The following ALS2 variants were observed in gnomAD, a reference collection of about 807,000 sequenced individuals.
ALS2 encodes alsin.
A neutral mutation model predicts 203.4 loss-of-function variants in ALS2; 117 were observed. That is an observed-to-expected ratio of 0.58 (90% CI 0.50 to 0.67). The LOEUF is 0.67. ALS2 is among the 30% of genes least tolerant of loss of function. The pLI is 0.00. For synonymous variants in ALS2, 718 were observed against 725.9 expected, an observed-to-expected ratio of 0.99 and a Z score of 0.17; for missense variants, 1,715 against 1,989.4, an observed-to-expected ratio of 0.86 and a Z score of 2.62.
intron 3 of ALS2, chr2:201,762,663 T>C (rs906020576): frequency 5.3e-5 from 8 of 152,262 alleles, no homozygotes; most frequent in African/African-American, 1.9e-4. Context: ...CTTTATGTAC[T>C]AGATACTAGC....
chr2:201,753,299 C>G (rs541782445), intron 6 of ALS2, 57 bp from the exon 7 acceptor site: 1 of 1,418,442 alleles, frequency 7.0e-7, no homozygotes, highest in East Asian at 2.3e-5. Flanking sequence ...AGAATCGTAG[C>G]CTTTCTCAAA....
rs1234882220 is a variant in ALS2, at chr2:201,705,415, C to T, written c.4626+1G>A. 5 of 1,613,384 alleles carry T rather than the reference C, an allele frequency of 3.1e-6. No individual in the cohort carries two copies. Among genetic ancestry groups the T allele is most frequent in the Non-Finnish European group, 4.2e-6 (5 of 1,179,498 alleles). On this transcript the variant is annotated splice_donor_variant, in intron 30 of 33. Coordinates refer to ENST00000264276, the MANE Select transcript of ALS2 (RefSeq NM_020919.4). LOFTEE classifies it high-confidence loss of function. Reference sequence around the variant, plus strand: ...GCTGAGGAAAAGAAAATCTACTATACCTTTTTACTCTCTCCAAGGATTGAC... The same window carrying T: ...GCTGAGGAAAAGAAAATCTACTATATCTTTTTACTCTCTCCAAGGATTGAC...
At chr2:201,721,674 T>G (rs1246509884) in intron 23 of ALS2, among the ~76,000 whole-genome samples, 1 of 60,442 alleles carries the variant, frequency 1.7e-5, no homozygotes, top group Non-Finnish European at 3.1e-5. Flanking sequence ...AAACTTTCAT[T>G]TTTTTTTTAG....
At chr2:201,744,519 G>A in intron 9 of ALS2, 90 bp from the exon 10 acceptor site, 1 of 1,304,384 alleles carries the variant, frequency 7.7e-7, no homozygotes, top group Admixed American at 1.9e-5. Context: ...CAGCTGACAA[G>A]AGCTAACTGT....
chr2:201,745,735 G>C (rs1692596526), intron 9 of ALS2, among the ~76,000 whole-genome samples: 1 of 152,122 alleles, frequency 6.6e-6, no homozygotes. Context: ...GATCACTTGA[G>C]GTCAGGAGTT....
intron 12 of ALS2, among the ~76,000 whole-genome samples, chr2:201,737,361 A>G (rs1298546776): frequency 6.6e-6 from 1 of 152,168 alleles, no homozygotes; most frequent in African/African-American, 2.4e-5. Flanking sequence ...GTACCAAGAG[A>G]CAACTGTATA....
chr2:201,745,765 G>C (rs912302386), intron 9 of ALS2, among the ~76,000 whole-genome samples: 1 of 152,036 alleles, frequency 6.6e-6, no homozygotes, highest in South Asian at 2.1e-4. Context: ...CCTGACCAAC[G>C]TGGTGAAACC....
At chr2:201,768,982 A>T in intron 1 of ALS2, 37 bp from the exon 2 acceptor site, 4 of 1,128,652 alleles carry the variant, frequency 3.5e-6, no homozygotes, top group Non-Finnish European at 5.2e-6. Context: ...CAGTAAAAGA[A>T]TATTTTACCC....
intron 1 of ALS2, among the ~76,000 whole-genome samples, chr2:201,769,812 T>C (rs1386576723): frequency 6.6e-6 from 1 of 152,154 alleles, no homozygotes; most frequent in Admixed American, 6.5e-5. Context: ...TGCAAAAGGA[T>C]ATGGAATGGT....
chr2:201,743,347 A>C (rs1489312326), intron 10 of ALS2, among the ~76,000 whole-genome samples: 1 of 152,168 alleles, frequency 6.6e-6, no homozygotes, highest in Non-Finnish European at 1.5e-5. Context: ...CCAGGTACCC[A>C]GTATATCTGG....
At chr2:201,708,012 T>A in intron 27 of ALS2, 21 bp from the exon 28 acceptor site, 1 of 1,605,352 alleles carries the variant, frequency 6.2e-7, no homozygotes, top group African/African-American at 1.3e-5. Context: ...ATAAAAAATA[T>A]AATTATACAA....
chr2:201,774,708 T>C (rs1348485861), intron 1 of ALS2, among the ~76,000 whole-genome samples: 1 of 152,212 alleles, frequency 6.6e-6, no homozygotes, highest in African/African-American at 2.4e-5. Context: ...GTATAATAAC[T>C]TGCAAATGCT....
At chr2:201,730,773 C>G (rs1691505389) in intron 13 of ALS2, among the ~76,000 whole-genome samples, 1 of 152,202 alleles carries the variant, frequency 6.6e-6, no homozygotes. Context: ...CCACACATAA[C>G]AGGACATTCT....
At position 201,706,875 on chromosome 2, in the gene ALS2, A is replaced by G. The variant is rs1374309449; in HGVS notation, c.4551T>C (p.Ile1517=). The change falls in exon 29 of 34, where the codon ATT becomes ATC. Residue 1517 remains isoleucine, a synonymous_variant. Coordinates refer to ENST00000264276, the MANE Select transcript of ALS2 (RefSeq NM_020919.4). ...CVLRLNKQPD[I]ALLGFLGVQR... ...GCACCCCAAGAAAGCCCAGGAGAGC[A>G]ATATCTGGCTGCTTATTTAGTCGAA... 2.5e-6 allele frequency: 4 copies of G among 1,613,946 alleles called. No homozygotes were observed. Among genetic ancestry groups the G allele is most frequent in the Non-Finnish European group, 3.4e-6 (4 of 1,179,976 alleles).
chr2:201,722,990 A>G (rs755852934), intron 23 of ALS2, 53 bp downstream of exon 23: 4 of 1,400,378 alleles, frequency 2.9e-6, no homozygotes, highest in Non-Finnish European at 4.0e-6. Context: ...AAGTAAAAAA[A>G]AATTAGTAAA....
chr2:201,749,554 C>T (rs544724050), intron 8 of ALS2, among the ~76,000 whole-genome samples, 158 bp downstream of exon 8: 8 of 152,182 alleles, frequency 5.3e-5, no homozygotes, highest in East Asian at 3.9e-4. Flanking sequence ...CTTGAAAACA[C>T]GTGGCTTCCT....
chr2:201,758,786 T>TGTGTGTG (rs1553514712), intron 4 of ALS2, among the ~76,000 whole-genome samples: 1 of 103,122 alleles, frequency 9.7e-6, no homozygotes, highest in Non-Finnish European at 2.1e-5. Flanking sequence ...GTGTGTGTGT[T>TGTGTGTG]TGTTTGTATA....
At chr2:201,779,012 GCTA>G (rs1266278020) in intron 1 of ALS2, among the ~76,000 whole-genome samples, 11 of 152,146 alleles carry the variant, frequency 7.2e-5, no homozygotes. Flanking sequence ...GGACCCAGCA[GCTA>G]CTGCTTTAAA....
rs1690363182 is a variant in ALS2 at position 201,715,935 on chromosome 2, T to C, written c.3837-96A>G. 6 of 1,368,470 alleles carry C rather than the reference T, an allele frequency of 4.4e-6. No individual in the cohort carries two copies. In the Admixed American group the frequency reaches 5.1e-5, roughly 12 times the overall value. 84.8% of individuals were successfully genotyped at this position (1,368,470 alleles called of 1,614,324 possible). ...TCTAACATACAACTGAGAATGCTTT[T>C]TTCGTGACCAAAACTGCCAAGACTG... On this transcript the variant is annotated intron_variant, in intron 24 of 33. Transcript: ENST00000264276.
Sources: gnomAD v4.1 joint callset for allele counts (sites outside exome capture counted in the v4.1 genomes callset) on GRCh38, gnomAD v4.1.1 for gene constraint, MANE v1.5 for transcripts, NCBI Gene and HGNC (gene_info 2026-07-23, HGNC 2026-07-21) for gene names.